The following COPG2 variants were observed in gnomAD, a reference collection of about 807,000 sequenced individuals.
COPG2 encodes the protein coat protein complex I subunit gamma 2, also known as coatomer subunit gamma-2.
COPG2 carries 37 observed loss-of-function variants against 46.3 expected under a neutral mutation model. The observed-to-expected ratio is 0.80, with a 90% CI of 0.61 to 1.05. The LOEUF is 1.05. Among genes scored for constraint, COPG2 ranks in the 50% least tolerant of loss-of-function variants. The pLI is 0.00. For missense variants in COPG2, 427 were observed against 387.8 expected, an observed-to-expected ratio of 1.10 and a Z score of -0.85; for synonymous variants, 159 against 129.7, an observed-to-expected ratio of 1.23 and a Z score of -1.53.
intron 8 of COPG2, among the ~76,000 whole-genome samples, chr7:130,611,726 G>C (rs569802021): frequency 1.3e-5 from 2 of 152,192 alleles, no homozygotes; most frequent in East Asian, 3.9e-4. Context: ...TTCCTCTTAA[G>C]AATAACCTAA....
At chr7:130,638,691 G>C (rs1164375127) in intron 5 of COPG2, among the ~76,000 whole-genome samples, 1 of 152,054 alleles carries the variant, frequency 6.6e-6, no homozygotes, top group Non-Finnish European at 1.5e-5. Context: ...CACTGAGCTA[G>C]ACCACTTGGC....
chr7:130,568,604 A>G (rs1584976138), intron 9 of COPG2, among the ~76,000 whole-genome samples: 1 of 152,220 alleles, frequency 6.6e-6, no homozygotes, highest in Non-Finnish European at 1.5e-5. Context: ...CGGCAACGCA[A>G]TAATAGTGGT....
At chr7:130,637,046 T>C (rs1795351761) in intron 5 of COPG2, among the ~76,000 whole-genome samples, 1 of 152,238 alleles carries the variant, frequency 6.6e-6, no homozygotes, top group African/African-American at 2.4e-5. Context: ...TGTTGAATAT[T>C]GGCCCCCACT....
chr7:130,611,049 A>C lies in COPG2; in HGVS notation c.641T>G (p.Met214Arg). 6.2e-7 allele frequency: 1 copy of C among 1,613,872 alleles called. No individual in the cohort carries two copies. Among genetic ancestry groups the C allele is most frequent in the Non-Finnish European group, 8.5e-7 (1 of 1,179,828 alleles). The change falls in exon 9 of 24, where the codon ATG (methionine) becomes AGG (arginine). Residue 214 changes from methionine to arginine, a missense_variant. Coordinates refer to ENST00000425248, the MANE Select transcript of COPG2 (RefSeq NM_012133.6). ...ACCAGATTTAGTAAACTTATTCAACATCTTGGAAACAGCAAGTCGATCATT... is the reference window on the plus strand; with the variant it reads ...ACCAGATTTAGTAAACTTATTCAACCTCTTGGAAACAGCAAGTCGATCATT... Reference protein sequence around the residue: ...RKNDRLAVSKMLNKFTKSGLK... With the variant: ...RKNDRLAVSKRLNKFTKSGLK...
At chr7:130,613,439 C>A in intron 7 of COPG2, 105 bp downstream of exon 7, 1 of 758,794 alleles carries the variant, frequency 1.3e-6, no homozygotes, top group Non-Finnish European at 2.3e-6. Context: ...GAGGTGTATA[C>A]ATATTTTTAA....
chr7:130,568,693 T>C (rs1280947800), intron 9 of COPG2, among the ~76,000 whole-genome samples: 1 of 152,142 alleles, frequency 6.6e-6, no homozygotes, highest in Admixed American at 6.5e-5. Context: ...ACTTAAACTA[T>C]ACCCTACAAC....
chr7:130,660,830 ACT>A (rs1256983322), intron 4 of COPG2, among the ~76,000 whole-genome samples: 2 of 151,288 alleles, frequency 1.3e-5, no homozygotes, highest in African/African-American at 4.9e-5. Flanking sequence ...AACTTCTTTC[ACT>A]CTCTCTTGAC....
intron 20 of COPG2, among the ~76,000 whole-genome samples, chr7:130,536,432 A>C (rs924073910): frequency 1.4e-3 from 218 of 152,282 alleles, no homozygotes; most frequent in Non-Finnish European, 2.3e-3. Flanking sequence ...GGCCTATCCA[A>C]TCATCAGAGG....
chr7:130,607,664 G>A (rs1301928563), intron 9 of COPG2: 4 of 518,396 alleles, frequency 7.7e-6, no homozygotes, highest in African/African-American at 5.8e-5. Flanking sequence ...TTTTTGTAGA[G>A]TTTAAAATTC....
At chr7:130,632,558 T>C (rs139557293) in intron 5 of COPG2, among the ~76,000 whole-genome samples, 7 of 152,328 alleles carry the variant, frequency 4.6e-5, no homozygotes, top group Non-Finnish European at 2.9e-5. Context: ...CTCCTCTTCT[T>C]CAGGGACTTC....
At chr7:130,632,523 A>T (rs895262819) in intron 5 of COPG2, among the ~76,000 whole-genome samples, 1 of 150,822 alleles carries the variant, frequency 6.6e-6, no homozygotes, top group African/African-American at 2.4e-5. Context: ...ATTTTCTCAA[A>T]TTTTTTTTTC....
At chr7:130,595,792 G>A (rs1301539135) in intron 9 of COPG2, among the ~76,000 whole-genome samples, 3 of 146,004 alleles carry the variant, frequency 2.1e-5, no homozygotes, top group South Asian at 2.2e-4. Context: ...AGGTCCCATC[G>A]GCATTTGGGG....
chr7:130,508,705 G>A, intron 20 of COPG2, 46 bp from the exon 21 acceptor site: 1 of 641,796 alleles, frequency 1.6e-6, no homozygotes, highest in South Asian at 1.6e-5. Context: ...GAGTGCAAGG[G>A]AGACGTTTCC....
intron 20 of COPG2, chr7:130,511,674 G>A: frequency 1.9e-6 from 1 of 513,538 alleles, no homozygotes; most frequent in Non-Finnish European, 3.9e-6. Context: ...TAAGAGACTG[G>A]AAGCAAAGGA....
chr7:130,661,558 G>C (rs192745977), intron 4 of COPG2, among the ~76,000 whole-genome samples: 42 of 152,270 alleles, frequency 2.8e-4, no homozygotes, highest in African/African-American at 9.4e-4. Context: ...ATATGAACCT[G>C]AAGTTGCTTC....
chr7:130,560,418 G>C (rs1188649436), intron 12 of COPG2, among the ~76,000 whole-genome samples: 3 of 152,104 alleles, frequency 2.0e-5, no homozygotes, highest in African/African-American at 7.2e-5. Context: ...TCCCCAAATT[G>C]ATTTATAGAT....
chr7:130,579,627 A>G (rs1794092414), intron 9 of COPG2, among the ~76,000 whole-genome samples: 3 of 152,222 alleles, frequency 2.0e-5, no homozygotes, highest in African/African-American at 4.8e-5. Context: ...AGACACACAC[A>G]GGCTCAAAAT....
rs190927966 is a variant in COPG2 at position 130,608,439 on chromosome 7, T to C, written c.737+2514A>G. Among the ~76,000 whole-genome samples, 171 of 152,332 alleles carry C rather than the reference T, an allele frequency of 1.1e-3. 3 individuals are homozygous for C. The highest frequency in any genetic ancestry group is 0.01 in the Admixed American group (156 of 15,300). On this transcript the variant is annotated intron_variant, in intron 9 of 23. Coordinates refer to ENST00000425248, the MANE Select transcript of COPG2 (RefSeq NM_012133.6). ...TGAAGATCCTGGCATCCATCTACTATCATTTCTTTTTAGCTGGAAAAACTC... is the reference window on the plus strand; with the variant it reads ...TGAAGATCCTGGCATCCATCTACTACCATTTCTTTTTAGCTGGAAAAACTC...
rs35503772 is a variant in COPG2, at chr7:130,629,399, AT to A, written c.324-12335del. Among the ~76,000 whole-genome samples the A allele has an allele frequency of 7.8e-3, 1,092 of 140,540 alleles. 4 individuals carry two copies. The highest frequency in any genetic ancestry group is 7.9e-3 in the Non-Finnish European group (517 of 65,492). 92.2% of individuals were successfully genotyped at this position (140,540 alleles called of 152,430 possible). A position where few individuals can be genotyped will look rare whatever the true frequency, so the allele number is the denominator to read the frequency against. ...CTTCTGGAATTTTATTATTATTATCATTTTTTTTTTTTTGAGACAGAGTTTC... is the reference window on the plus strand; with the variant it reads ...CTTCTGGAATTTTATTATTATTATCATTTTTTTTTTTTGAGACAGAGTTTC... On this transcript the variant is annotated intron_variant, in intron 5 of 23. Transcript: ENST00000425248.
Sources: allele counts gnomAD v4.1 joint callset (sites outside exome capture counted in the v4.1 genomes callset), GRCh38; gene constraint gnomAD v4.1.1; transcripts MANE v1.5; gene names NCBI Gene and HGNC (gene_info 2026-07-23, HGNC 2026-07-21).